Variants in TCF20 observed in about 807,000 individuals in gnomAD.
TCF20 encodes SPRE-binding protein.
A neutral mutation model predicts 148.6 loss-of-function variants in TCF20; 3 were observed. That is an observed-to-expected ratio of 0.02 (90% CI 0.01 to 0.05). TCF20 has a LOEUF of 0.05. Ranked by LOEUF, TCF20 falls within the 10% of genes least tolerant of loss-of-function variation. The pLI is 1.00. For synonymous variants in TCF20, 1,049 were observed against 909.5 expected (o/e 1.15, Z -2.76); for missense variants, 2,350 against 2,429.3 (o/e 0.97, Z 0.69).
chr22:42,289,838 G>A (rs918041524), intron 1 of TCF20, among the ~76,000 whole-genome samples: 1 of 152,098 alleles, frequency 6.6e-6, no homozygotes, highest in Non-Finnish European at 1.5e-5. Flanking sequence ...GCGCCCCAAA[G>A]GATTGCCCCG....
chr22:42,211,559 G>A lies in TCF20; in HGVS notation c.3747C>T (p.Asn1249=), dbSNP rs1277433884. The stretch of plus-strand genomic sequence containing the variant: ...GAACACGCCTCCTCATGATTAAGGG[G>A]TTTTGAGAAGAATGATCCTCCTGGC... ...LPGQEDHSSQ[N]PLIMRRRVRS... Residue 1249 remains asparagine, a synonymous_variant, in exon 2 of 6, where the codon AAC becomes AAT. Coordinates refer to ENST00000677622, the MANE Select transcript of TCF20 (RefSeq NM_001378418.1). The A allele has an allele frequency of 1.2e-6, 2 of 1,614,218 alleles. No individual in the cohort carries two copies. The highest frequency in any genetic ancestry group is 4.5e-5 in the East Asian group (2 of 44,890).
chr22:42,221,743 T>TTTTTTTTTTG (rs1183487140), intron 1 of TCF20, among the ~76,000 whole-genome samples: 2 of 127,710 alleles, frequency 1.6e-5, no homozygotes, highest in Non-Finnish European at 3.3e-5. Context: ...CAAAGGGTTT[T>TTTTTTTTTTG]TTTTTTTTTT....
chr22:42,329,756 T>C (rs1044040011), intron 1 of TCF20, among the ~76,000 whole-genome samples: 5 of 152,186 alleles, frequency 3.3e-5, no homozygotes, highest in African/African-American at 1.2e-4. Flanking sequence ...CCAGAGGCTC[T>C]TGGGGCTGCA....
At chr22:42,313,693 G>C in intron 1 of TCF20, among the ~76,000 whole-genome samples, 1 of 146,730 alleles carries the variant, frequency 6.8e-6, no homozygotes, top group East Asian at 2.0e-4. Context: ...TCCACCTCCT[G>C]TGTTCAAGCA....
At chr22:42,221,052 T>C (rs1415420512) in intron 1 of TCF20, among the ~76,000 whole-genome samples, 1 of 152,204 alleles carries the variant, frequency 6.6e-6, no homozygotes, top group Non-Finnish European at 1.5e-5. Context: ...TTCCAAGCTC[T>C]CCTCTGCAGA....
intron 3 of TCF20, among the ~76,000 whole-genome samples, chr22:42,171,032 A>G (rs1488665845): frequency 6.6e-6 from 1 of 152,176 alleles, no homozygotes; most frequent in Admixed American, 6.5e-5. Flanking sequence ...GATGCTTTTA[A>G]TCCTTGGAGG....
At chr22:42,239,042 C>T (rs1292072946) in intron 1 of TCF20, among the ~76,000 whole-genome samples, 5 of 151,812 alleles carry the variant, frequency 3.3e-5, no homozygotes, top group Non-Finnish European at 7.4e-5. Context: ...GGCGTGAACG[C>T]GGCAGGCAGA....
chr22:42,276,727 C>T (rs937682804), intron 1 of TCF20: 4 of 152,128 alleles, frequency 2.6e-5, no homozygotes, highest in Non-Finnish European at 4.4e-5. Context: ...GATGCCAAGG[C>T]GATTGTCTTC....
chr22:42,332,942 C>T (rs981670845), intron 1 of TCF20, among the ~76,000 whole-genome samples: 2 of 152,090 alleles, frequency 1.3e-5, no homozygotes, highest in Admixed American at 6.5e-5. Context: ...GGGAGGAGCA[C>T]GGGGGAGCCT....
At chr22:42,259,132 T>C (rs1259213506) in intron 1 of TCF20, among the ~76,000 whole-genome samples, 4 of 152,238 alleles carry the variant, frequency 2.6e-5, no homozygotes, top group African/African-American at 9.6e-5. Context: ...CTCTGGAGTT[T>C]CCTCCAGCCT....
Position 42,214,246 on chromosome 22 carries a change from C to G in TCF20, c.1060G>C (p.Val354Leu), listed in dbSNP as rs1416619192. 1 of 1,614,112 alleles carries G rather than the reference C, an allele frequency of 6.2e-7. No homozygotes were observed. Among genetic ancestry groups the G allele is most frequent in the African/African-American group, 1.3e-5 (1 of 74,948 alleles). Residue 354 changes from valine (V) to leucine (L), a missense_variant, in exon 2 of 6, where the codon GTG becomes CTG. Coordinates refer to ENST00000677622, the MANE Select transcript of TCF20 (RefSeq NM_001378418.1). ...VGQYNQPEVP[V>L]RSPMQFHQNF... ...TGGTGAAACTGCATGGGGGACCTCA[C>G]AGGAACCTCAGGCTGGTTGTACTGC...
rs1322735962 is a variant in TCF20, at chr22:42,214,708, G to C, written c.598C>G (p.Gln200Glu). Residue 200 changes from glutamine to glutamate, a missense_variant, in exon 2 of 6, where the codon CAA becomes GAA. Gln to Glu is a conservative substitution (Grantham distance 29). Transcript: ENST00000677622. ...SHQPLPQATG[Q>E]PASSSSHLQP... ...AGATGGGATGAGCTGGATGCTGGTT[G>C]GCCAGTGGCCTGTGGCAGGGGCTGA... 2.5e-6 allele frequency: 4 copies of C among 1,614,072 alleles called. No homozygotes were observed. The African/African-American group carries it at 5.3e-5, about 22-fold the overall frequency.
At chr22:42,229,021 A>G (rs981202238) in intron 1 of TCF20, among the ~76,000 whole-genome samples, 4 of 152,188 alleles carry the variant, frequency 2.6e-5, no homozygotes, top group Non-Finnish European at 4.4e-5. Context: ...GGCTGAACAA[A>G]AAGATTTAAA....
intron 2 of TCF20, among the ~76,000 whole-genome samples, chr22:42,206,067 C>T (rs1344009798): frequency 1.3e-5 from 2 of 152,214 alleles, no homozygotes; most frequent in African/African-American, 4.8e-5. Flanking sequence ...AGCCATCATG[C>T]TCGGCCCAAG....
chr22:42,236,992 C>A (rs1923947622), intron 1 of TCF20, among the ~76,000 whole-genome samples: 2 of 152,202 alleles, frequency 1.3e-5, no homozygotes, highest in Admixed American at 6.5e-5. Context: ...ATGTTGATGG[C>A]TGCTGACTAA....
chr22:42,304,838 G>A (rs1167921684), intron 1 of TCF20, among the ~76,000 whole-genome samples: 1 of 152,088 alleles, frequency 6.6e-6, no homozygotes, highest in African/African-American at 2.4e-5. Context: ...ATGTGAACCA[G>A]GTGTCAGTTG....
chr22:42,310,074 G>C (rs1341717073), intron 1 of TCF20, among the ~76,000 whole-genome samples: 2 of 152,230 alleles, frequency 1.3e-5, no homozygotes, highest in Non-Finnish European at 2.9e-5. Flanking sequence ...AGAAAAGGTG[G>C]ACTTTGAAGG....
chr22:42,226,209 G>T (rs897664506), intron 1 of TCF20, among the ~76,000 whole-genome samples: 1 of 152,204 alleles, frequency 6.6e-6, no homozygotes, highest in African/African-American at 2.4e-5. Context: ...GTGGGAGCAG[G>T]ACATCTCTGG....
chr22:42,330,946 T>G (rs554918159), intron 1 of TCF20, among the ~76,000 whole-genome samples: 6 of 152,176 alleles, frequency 3.9e-5, no homozygotes, highest in African/African-American at 1.2e-4. Flanking sequence ...GAGTGGCCCA[T>G]CTCATTCCCC....
Sources: gnomAD v4.1 joint callset for allele counts (sites outside exome capture counted in the v4.1 genomes callset) on GRCh38, gnomAD v4.1.1 for gene constraint, MANE v1.5 for transcripts, NCBI Gene and HGNC (gene_info 2026-07-23, HGNC 2026-07-21) for gene names.